MAGIX: variants seen among roughly 807,000 people sequenced by gnomAD.
MAGIX encodes the protein MAGI family member, X-linked, also known as PDZ domain-containing protein MAGIX.
In MAGIX, 13 loss-of-function variants were observed where a neutral mutation model predicts 10.0. That is an observed-to-expected ratio of 1.30 (90% confidence interval 0.84 to 2.06). The LOEUF (loss-of-function observed/expected upper bound fraction) is 2.06. Ranked by LOEUF, MAGIX falls within the 30% of genes most tolerant of loss-of-function variation. The probability of loss-of-function intolerance (pLI) is 0.00; values close to 1 mark genes in which losing one functional copy is unlikely to be tolerated. For synonymous variants in MAGIX, 108 were observed against 106.8 expected, an observed-to-expected ratio of 1.01 and a Z score of -0.07; for missense variants, 235 against 245.2, an observed-to-expected ratio of 0.96 and a Z score of 0.28.
At chrX:49,164,954 T>A in exon 3 of MAGIX, 1 of 1,212,190 alleles carries the variant, frequency 8.2e-7, no homozygotes, top group Non-Finnish European at 1.1e-6. Flanking sequence ...TCTGGTCATT[T>A]CTCTGTGGAG....
chrX:49,166,611 G>A (rs1267196138), exon 5 of MAGIX: 2 of 401,239 alleles, frequency 5.0e-6, no homozygotes, highest in Non-Finnish European at 8.6e-6. Flanking sequence ...GGAGGGGGAG[G>A]TAATAAAATG....
At chrX:49,163,882 C>T in exon 2 of MAGIX, 1 of 1,033,606 alleles carries the variant, frequency 9.7e-7, no homozygotes, top group Admixed American at 5.4e-5. Flanking sequence ...GACGTGGCAG[C>T]GCTGGTACGC....
chrX:49,168,632 CT>C (rs2065380895), downstream of MAGIX: 1 of 106,985 alleles, frequency 9.3e-6, no homozygotes, highest in Non-Finnish European at 1.9e-5. Context: ...TAAAAATTAG[CT>C]GGGAGTGGTG....
intron 1 of MAGIX, chrX:49,163,161 G>A (rs1248121621): frequency 7.3e-6 from 2 of 274,400 alleles, no homozygotes; most frequent in African/African-American, 5.9e-5. Context: ...AGCAGGGGAG[G>A]GGCTCTCAGG....
At chrX:49,163,888 T>C in exon 2 of MAGIX, 1 of 1,031,363 alleles carries the variant, frequency 9.7e-7, no homozygotes, top group Non-Finnish European at 1.2e-6. Flanking sequence ...GCAGCGCTGG[T>C]ACGCAGGGCG....
At chrX:49,166,227 A>G (rs782744862) in exon 5 of MAGIX, 65 of 1,208,359 alleles carry the variant, frequency 5.4e-5, no homozygotes, top group Non-Finnish European at 7.0e-5. Context: ...GCGGCCGCCG[A>G]TGGCCCCACG....
At chrX:49,165,768 T>G in intron 4 of MAGIX, 4 of 332,602 alleles carry the variant, frequency 1.2e-5, no homozygotes, top group Non-Finnish European at 2.1e-5. Flanking sequence ...GGGTCGGTGG[T>G]TTGGGAGTCA....
Position 49,163,766 on chromosome X carries a change from TC to T in MAGIX, c.-201-13del. ...GAGGCCGAGGGTCGGCGTTGACCTG[TC>T]CCCTCTTGCGCGCAGGCCGCGGCCC... On this transcript the variant is annotated splice_polypyrimidine_tract_variant and intron_variant, in intron 1 of 4. Coordinates refer to ENST00000616266, the Ensembl canonical transcript of MAGIX. The T allele has an allele frequency of 9.6e-7, 1 of 1,039,354 alleles. No homozygotes were observed. The highest frequency in any genetic ancestry group is 1.2e-6 in the Non-Finnish European group (1 of 816,265). The allele number at this position is 1,039,354 out of a possible 1,213,427, so 85.7% of individuals were successfully genotyped here.
rs1569525733 is a variant in MAGIX, at chrX:49,166,377, CA to C, written c.807del (p.Ala270ProfsTer115). ...GCAGCGCAGCTCGCTCAGGAGATGGCAGCCGGAAGGCGGAGACACTGAGCCT... is the reference window on the plus strand; with the variant it reads ...GCAGCGCAGCTCGCTCAGGAGATGGCGCCGGAAGGCGGAGACACTGAGCCT... On this transcript the variant is annotated frameshift_variant, in exon 5 of 5. Transcript: ENST00000616266. LOFTEE classifies it high-confidence loss of function. 2.6e-6 allele frequency: 3 copies of C among 1,143,344 alleles called. No individual in the cohort carries two copies. The highest frequency in any genetic ancestry group is 2.9e-4 in the Middle Eastern group (1 of 3,423). The allele number at this position is 1,143,344 out of a possible 1,213,427, so 94.2% of individuals were successfully genotyped here.
chrX:49,166,556 A>G, exon 5 of MAGIX: 1 of 462,788 alleles, frequency 2.2e-6, no homozygotes, highest in Non-Finnish European at 3.6e-6. Flanking sequence ...TCGCAGCGTC[A>G]GTGGTACGAC....
intron 4 of MAGIX, 162 bp from the exon 6 acceptor site, chrX:49,165,912 G>C: frequency 2.2e-6 from 1 of 459,646 alleles, no homozygotes. Context: ...GGGAAAGGAG[G>C]TGTCGGGGTT....
chrX:49,163,712 T>C, intron 1 of MAGIX, 71 bp from the exon 2 acceptor site: 5 of 951,270 alleles, frequency 5.3e-6, no homozygotes, highest in Non-Finnish European at 6.6e-6. Context: ...TTCTAGGTCT[T>C]CGAGCGTCCG....
chrX:49,162,794 C>A, intron 1 of MAGIX: 1 of 490,373 alleles, frequency 2.0e-6, no homozygotes, highest in Non-Finnish European at 3.1e-6. Context: ...CCGCCAGCTT[C>A]AGCCTCCAGG....
rs1557097189 is a variant in MAGIX, at chrX:49,164,794, C to T, written c.34C>T (p.His12Tyr). The change falls in exon 3 of 5, where the codon CAT becomes TAT. Residue 12 changes from histidine to tyrosine, a missense_variant. Transcript: ENST00000616266. ...ATTGTGGATCACCGGCCCCAGGTAC[C>T]ATCTCATCCTTCTATCGGAGGCCTC... 6.6e-6 allele frequency: 8 copies of T among 1,209,690 alleles called. No individual in the cohort carries two copies. Among genetic ancestry groups the T allele is most frequent in the Non-Finnish European group, 8.9e-6 (8 of 894,253 alleles).
exon 5 of MAGIX, chrX:49,166,182 A>G (rs913656592): frequency 1.7e-6 from 2 of 1,210,301 alleles, no homozygotes; most frequent in Non-Finnish European, 2.2e-6. Context: ...ACGACGCTCA[A>G]GAAGACCCGG....
exon 5 of MAGIX, chrX:49,166,463 G>A (rs1765631109): frequency 7.2e-6 from 7 of 968,461 alleles, no homozygotes; most frequent in Non-Finnish European, 9.6e-6. Context: ...GCGTGTGGCC[G>A]CTGGGCACTT....
chrX:49,167,680 C>T (rs1167856085), exon 5 of MAGIX: 1 of 111,385 alleles, frequency 9.0e-6, no homozygotes, highest in Admixed American at 9.5e-5. Context: ...GGAAGTGTGC[C>T]AGGGTGGCTT....
downstream of MAGIX, among the ~76,000 whole-genome samples, chrX:49,168,774 C>CAA (rs35343968): frequency 1.8e-4 from 3 of 16,902 alleles, no homozygotes; most frequent in African/African-American, 4.7e-4. Flanking sequence ...GACCTTATCT[C>CAA]AAAAAAAAAA....
exon 2 of MAGIX, chrX:49,163,886 G>T (rs1180167666): frequency 9.7e-7 from 1 of 1,032,921 alleles, no homozygotes; most frequent in East Asian, 4.1e-5. Context: ...TGGCAGCGCT[G>T]GTACGCAGGG....
Sources: allele counts gnomAD v4.1 joint callset (sites outside exome capture counted in the v4.1 genomes callset), GRCh38; gene constraint gnomAD v4.1.1; transcripts MANE v1.5; gene names NCBI Gene and HGNC (gene_info 2026-07-23, HGNC 2026-07-21).